CUX1: variants seen among roughly 807,000 people sequenced by gnomAD.
The protein encoded by CUX1 is protein CASP.
A neutral mutation model predicts 158.8 loss-of-function variants in CUX1; 31 were observed. The observed-to-expected ratio is 0.20, with a 90% CI of 0.15 to 0.26. CUX1 has a LOEUF of 0.26. Ranked by LOEUF, CUX1 falls within the 10% of genes least tolerant of loss-of-function variation. The pLI is 1.00. For synonymous variants in CUX1, 879 were observed against 862.1 expected (o/e 1.02, Z -0.34); for missense variants, 1,589 against 2,014.6 (o/e 0.79, Z 4.04).
intron 11 of CUX1, among the ~76,000 whole-genome samples, chr7:102,180,384 A>G (rs1554513589): frequency 1.4e-5 from 2 of 145,606 alleles, no homozygotes; most frequent in Admixed American, 1.4e-4. Flanking sequence ...TGACAGGATC[A>G]TAGTTCACGG....
chr7:102,158,430 C>G, intron 8 of CUX1, 130 bp from the exon 9 acceptor site: 1 of 779,406 alleles, frequency 1.3e-6, no homozygotes, highest in Non-Finnish European at 2.1e-6. Context: ...CCACCTCCTC[C>G]TGCTGGACAG....
chr7:101,950,805 C>A (rs185816372), intron 2 of CUX1, among the ~76,000 whole-genome samples: 29 of 152,308 alleles, frequency 1.9e-4, no homozygotes, highest in African/African-American at 6.5e-4. Context: ...TCCTGCCTTG[C>A]CTCCCAAAGT....
chr7:102,042,991 C>A (rs182991263), intron 3 of CUX1, among the ~76,000 whole-genome samples: 25 of 152,186 alleles, frequency 1.6e-4, no homozygotes, highest in African/African-American at 5.5e-4. Context: ...AGTCTGGCTG[C>A]GTTGCCCAGG....
At chr7:101,947,167 T>C (rs1808487657) in intron 2 of CUX1, among the ~76,000 whole-genome samples, 1 of 152,012 alleles carries the variant, frequency 6.6e-6, no homozygotes, top group Non-Finnish European at 1.5e-5. Context: ...GGCGGGAGGA[T>C]CCCTTGAGCC....
intron 14 of CUX1, among the ~76,000 whole-genome samples, chr7:102,270,110 C>T (rs1422230105): frequency 6.6e-6 from 1 of 152,242 alleles, no homozygotes; most frequent in Non-Finnish European, 1.5e-5. Context: ...GGTTGAAGAA[C>T]TTGCCGAAGA....
intron 8 of CUX1, among the ~76,000 whole-genome samples, chr7:102,133,140 CCT>C (rs1486372318): frequency 6.6e-6 from 1 of 152,062 alleles, no homozygotes; most frequent in African/African-American, 2.4e-5. Context: ...TCCGTGGCAC[CCT>C]CTCTCATATC....
At chr7:102,152,878 G>T (rs1318234964) in intron 8 of CUX1, among the ~76,000 whole-genome samples, 2 of 152,210 alleles carry the variant, frequency 1.3e-5, no homozygotes, top group Non-Finnish European at 2.9e-5. Context: ...TGTCGTCATT[G>T]TCATTCGAAA....
chr7:101,944,082 C>T (rs1258614356), intron 2 of CUX1, among the ~76,000 whole-genome samples: 3 of 152,142 alleles, frequency 2.0e-5, no homozygotes, highest in Admixed American at 6.5e-5. Flanking sequence ...TGGGCTCAGC[C>T]ATCCCAGGTG....
At chr7:102,118,994 C>G (rs1472729583) in intron 8 of CUX1, among the ~76,000 whole-genome samples, 1 of 152,210 alleles carries the variant, frequency 6.6e-6, no homozygotes, top group Non-Finnish European at 1.5e-5. Flanking sequence ...TCATGATTCG[C>G]CCACCTCAGC....
intron 2 of CUX1, among the ~76,000 whole-genome samples, chr7:102,008,746 G>C (rs1817663407): frequency 6.6e-6 from 1 of 152,168 alleles, no homozygotes; most frequent in Non-Finnish European, 1.5e-5. Context: ...TGAACATTGA[G>C]CAATTGTCAA....
chr7:102,159,176 CGG>C (rs1790124414), intron 9 of CUX1, among the ~76,000 whole-genome samples: 2 of 137,956 alleles, frequency 1.4e-5, no homozygotes, highest in Non-Finnish European at 3.2e-5. Flanking sequence ...GTGTTATCCT[CGG>C]AGAGTTCCTT....
chr7:102,262,774 A>C (rs912607581), downstream of CUX1, among the ~76,000 whole-genome samples: 5 of 152,126 alleles, frequency 3.3e-5, no homozygotes, highest in Non-Finnish European at 5.9e-5. Flanking sequence ...CAACTTTCCA[A>C]CTGAGGAAAC....
At position 102,248,469 on chromosome 7, in the gene CUX1, G is replaced by A. The variant is rs781825984; in HGVS notation, c.3945G>A (p.Gln1315=). The A allele has an allele frequency of 6.3e-7, 1 of 1,596,250 alleles. No individual in the cohort carries two copies. The highest frequency in any genetic ancestry group is 1.3e-5 in the African/African-American group (1 of 74,246). ...AAATTCAGGCCGGGAGTCAGGGCCA[G>A]GCGGGCGCCAGCGACTCACCCTCGG... is the stretch of plus-strand genomic sequence containing the variant. The part of the protein sequence containing the change: ...IEEIQAGSQG[Q]AGASDSPSAR... Residue 1315 remains glutamine (Q), a synonymous_variant, in exon 24 of 24, where the codon CAG becomes CAA. Coordinates refer to ENST00000292535, the MANE Select transcript of CUX1 (RefSeq NM_181552.4). This position sits in a 1 kb window ranked among gnomAD's most constrained non-coding sequence, Gnocchi z 5.8.
chr7:102,258,056 C>T lies in CUX1; in HGVS notation c.*9014C>T. 5 of 985,114 alleles carry T rather than the reference C, an allele frequency of 5.1e-6. No individual in the cohort carries two copies. Among genetic ancestry groups the T allele is most frequent in the Non-Finnish European group, 6.0e-6 (5 of 829,894 alleles). The allele number at this position is 985,114 out of a possible 1,614,324, so 61.0% of individuals were successfully genotyped here. On this transcript the variant is annotated 3_prime_UTR_variant, in exon 24 of 24. Transcript: ENST00000292535. ...GGGGGTGGGGGAGGCACCCGTCGGC[C>T]CCTTGGTGTTGTCCCTCTGTCTTTG...
At chr7:101,887,488 T>A (rs1460933325) in intron 1 of CUX1, among the ~76,000 whole-genome samples, 1 of 152,030 alleles carries the variant, frequency 6.6e-6, no homozygotes, top group African/African-American at 2.4e-5. Context: ...TATTTTATTT[T>A]TTTAGAGATA....
intron 11 of CUX1, among the ~76,000 whole-genome samples, chr7:102,182,709 C>T (rs1793225522): frequency 6.6e-6 from 1 of 152,176 alleles, no homozygotes; most frequent in South Asian, 2.1e-4. Context: ...GCCCGACCGC[C>T]GTGACAAGGC....
chr7:102,067,862 C>CAA (rs11397717), intron 3 of CUX1, among the ~76,000 whole-genome samples: 121 of 149,124 alleles, frequency 8.1e-4, no homozygotes, highest in African/African-American at 2.6e-3. Flanking sequence ...ACTAAAAATA[C>CAA]AAAAAAAAAT....
At chr7:102,220,122 A>AAG (rs1797664241) in intron 20 of CUX1, among the ~76,000 whole-genome samples, 3 of 152,210 alleles carry the variant, frequency 2.0e-5, no homozygotes, top group African/African-American at 7.2e-5. Flanking sequence ...GCACTTTGGG[A>AAG]GGCTGAGGCA....
chr7:102,011,438 C>CTGCT (rs71286263), intron 2 of CUX1, among the ~76,000 whole-genome samples: 4,268 of 151,922 alleles, frequency 0.028, 90 homozygotes, highest in Non-Finnish European at 0.034. Context: ...ATGGTCTCTT[C>CTGCT]TGCTTGCTTG....
Sources: allele counts gnomAD v4.1 joint callset (sites outside exome capture counted in the v4.1 genomes callset), GRCh38; gene constraint gnomAD v4.1.1; non-coding constraint Gnocchi (gnomAD v3.1); transcripts MANE v1.5; gene names NCBI Gene and HGNC (gene_info 2026-07-23, HGNC 2026-07-21).